HMGN5: variants seen among roughly 807,000 people sequenced by gnomAD.
HMGN5 encodes the protein high mobility group nucleosome-binding domain-containing protein 5.
HMGN5 carries 4 observed loss-of-function variants against 9.5 expected under a neutral mutation model. That is an observed-to-expected ratio of 0.42 (90% CI 0.21 to 0.96). HMGN5 has a LOEUF of 0.96. Ranked by LOEUF, HMGN5 falls within the 40% of genes least tolerant of loss-of-function variation. The probability of loss-of-function intolerance (pLI) is 0.30; values close to 1 mark genes in which losing one functional copy is unlikely to be tolerated. For synonymous variants in HMGN5, 55 were observed against 57.1 expected (o/e 0.96, Z 0.16); for missense variants, 192 against 187.5 (o/e 1.02, Z -0.14).
intron 1 of HMGN5, among the ~76,000 whole-genome samples, chrX:81,132,495 C>T (rs764957113): frequency 4.5e-5 from 5 of 110,678 alleles, no homozygotes; most frequent in Admixed American, 9.6e-5. Flanking sequence ...CAGCATGGTA[C>T]TGGCATAGAC....
intron 5 of HMGN5, among the ~76,000 whole-genome samples, chrX:81,116,682 C>T (rs1271777174): frequency 8.9e-6 from 1 of 112,020 alleles, no homozygotes; most frequent in Admixed American, 9.4e-5. Flanking sequence ...AATTAATTCC[C>T]TCTGTCTAGA....
intron 1 of HMGN5, among the ~76,000 whole-genome samples, chrX:81,126,112 C>T (rs768564221): frequency 7.5e-5 from 7 of 93,243 alleles, no homozygotes; most frequent in South Asian, 5.5e-4. Flanking sequence ...CATGCCACTG[C>T]ACTCCAGCCT....
intron 1 of HMGN5, among the ~76,000 whole-genome samples, chrX:81,165,689 GTCTC>G (rs2075409150): frequency 9.0e-6 from 1 of 111,439 alleles, no homozygotes; most frequent in African/African-American, 3.3e-5. Flanking sequence ...CCATGGTATA[GTCTC>G]TCTATGAATA....
chrX:81,199,567 T>A (rs188469820), intron 1 of HMGN5, among the ~76,000 whole-genome samples: 11 of 111,199 alleles, frequency 9.9e-5, no homozygotes, highest in African/African-American at 3.6e-4. Context: ...GTCTCAGAAA[T>A]AACACCACAC....
At chrX:81,171,325 C>A (rs1323641225) in intron 1 of HMGN5, among the ~76,000 whole-genome samples, 1 of 111,327 alleles carries the variant, frequency 9.0e-6, no homozygotes, top group African/African-American at 3.3e-5. Context: ...GAAGTTAACA[C>A]CTGAAAATAT....
chrX:81,182,995 T>C (rs2147645402), intron 1 of HMGN5, among the ~76,000 whole-genome samples: 1 of 111,612 alleles, frequency 9.0e-6, no homozygotes, highest in East Asian at 2.8e-4. Flanking sequence ...CTGATAGTGA[T>C]ATGGACAGTG....
At chrX:81,151,894 A>G (rs770211963) in intron 1 of HMGN5, among the ~76,000 whole-genome samples, 3 of 111,733 alleles carry the variant, frequency 2.7e-5, no homozygotes, top group East Asian at 5.6e-4. Flanking sequence ...TCGTCTGCAA[A>G]CAGGGACAAT....
rs1556034179 is a variant in HMGN5 at position 81,121,694 on chromosome X, C to T, written c.-123-22G>A. On this transcript the variant is annotated intron_variant, in intron 1 of 6. Transcript: ENST00000358130. ...TCCTCTGGAAAAAAAAAAAATCCCT[C>T]GTTATTGGCAACATTAAACACGCCA... 2.5e-5 allele frequency: 10 copies of T among 407,072 alleles called. No homozygotes were observed. The South Asian group carries it at 5.3e-4, about 22-fold the overall frequency. 33.5% of individuals were successfully genotyped at this position (407,072 alleles called of 1,213,427 possible).
intron 1 of HMGN5, among the ~76,000 whole-genome samples, chrX:81,159,942 T>C (rs1028704406): frequency 8.9e-6 from 1 of 112,393 alleles, no homozygotes; most frequent in Non-Finnish European, 1.9e-5. Flanking sequence ...ATTTGAAATG[T>C]AGATATAATT....
At chrX:81,138,759 C>T (rs1259857518) in intron 1 of HMGN5, among the ~76,000 whole-genome samples, 1 of 111,552 alleles carries the variant, frequency 9.0e-6, no homozygotes, top group Non-Finnish European at 1.9e-5. Flanking sequence ...AAAAAAACCT[C>T]TAGAACTAAT....
intron 1 of HMGN5, among the ~76,000 whole-genome samples, chrX:81,187,565 T>C (rs1013921413): frequency 1.8e-5 from 2 of 111,765 alleles, no homozygotes; most frequent in Non-Finnish European, 3.8e-5. Flanking sequence ...TATTTTTATA[T>C]CTTTTTGTTT....
chrX:81,200,905 A>C (rs1192779860), intron 1 of HMGN5, among the ~76,000 whole-genome samples: 1 of 111,857 alleles, frequency 8.9e-6, no homozygotes, highest in Non-Finnish European at 1.9e-5. Flanking sequence ...TCTGGAATGT[A>C]CTAACCATAT....
chrX:81,184,791 T>G (rs2075472649), intron 1 of HMGN5, among the ~76,000 whole-genome samples: 2 of 111,701 alleles, frequency 1.8e-5, no homozygotes, highest in Middle Eastern at 9.2e-3. Flanking sequence ...CCATTTTGAA[T>G]TGATTTTTCT....
At chrX:81,187,201 C>A (rs2075480001) in intron 1 of HMGN5, among the ~76,000 whole-genome samples, 1 of 111,564 alleles carries the variant, frequency 9.0e-6, no homozygotes. Flanking sequence ...CTGTAAATTT[C>A]TGTTAGTTCA....
intron 1 of HMGN5, among the ~76,000 whole-genome samples, chrX:81,143,483 T>C (rs535628721): frequency 4.5e-5 from 5 of 112,092 alleles, no homozygotes; most frequent in South Asian, 7.5e-4. Context: ...GTTCATCTCA[T>C]TGGGACTGGT....
chrX:81,128,995 T>G (rs1042399874), intron 1 of HMGN5, among the ~76,000 whole-genome samples: 1 of 111,732 alleles, frequency 8.9e-6, no homozygotes, highest in Non-Finnish European at 1.9e-5. Context: ...ACTTATTTAT[T>G]AGAGAAGAGA....
chrX:81,118,541 GA>G, intron 4 of HMGN5, 56 bp from the exon 5 acceptor site: 4 of 981,260 alleles, frequency 4.1e-6, no homozygotes, highest in Non-Finnish European at 5.7e-6. Flanking sequence ...TTTGAAGAAA[GA>G]ACGCTAAAAA....
chrX:81,159,118 C>G lies in HMGN5; in HGVS notation c.-123-37446G>C, dbSNP rs190392367. ...TAGAGCTGGAAGCCATTATCCTCAG[C>G]AAACTAACGCAGCAACAGAAAACCA... On this transcript the variant is annotated intron_variant, in intron 1 of 6. Coordinates refer to ENST00000358130, the MANE Select transcript of HMGN5 (RefSeq NM_030763.3). Among the ~76,000 whole-genome samples, 180 of 111,677 alleles carry G rather than the reference C, an allele frequency of 1.6e-3. 1 individual carries two copies. Among genetic ancestry groups the G allele is most frequent in the African/African-American group, 5.5e-3 (168 of 30,697 alleles).
At chrX:81,155,547 A>G (rs886885190) in intron 1 of HMGN5, among the ~76,000 whole-genome samples, 1 of 111,133 alleles carries the variant, frequency 9.0e-6, no homozygotes, top group Non-Finnish European at 1.9e-5. Context: ...GCTATGGAAC[A>G]TCTATACCAT....
Sources: allele counts gnomAD v4.1 joint callset (sites outside exome capture counted in the v4.1 genomes callset), GRCh38; gene constraint gnomAD v4.1.1; transcripts MANE v1.5; gene names NCBI Gene and HGNC (gene_info 2026-07-23, HGNC 2026-07-21).